Variants in CBLB observed in about 807,000 individuals in gnomAD.
The protein encoded by CBLB is Cbl proto-oncogene B.
A neutral mutation model predicts 104.9 loss-of-function variants in CBLB; 31 were observed. That is an observed-to-expected ratio of 0.30 (90% CI 0.22 to 0.40). CBLB has a LOEUF of 0.40. Among genes scored for constraint, CBLB ranks in the 10% least tolerant of loss-of-function variants. CBLB has a pLI of 1.00. For synonymous variants in CBLB, 440 were observed against 422.6 expected, an observed-to-expected ratio of 1.04 and a Z score of -0.51; for missense variants, 1,062 against 1,214.6, an observed-to-expected ratio of 0.87 and a Z score of 1.87.
chr3:105,675,884 CAA>C lies in CBLB; in HGVS notation c.2569+2545_2569+2546del, dbSNP rs71111383. Among the ~76,000 whole-genome samples the C allele has an allele frequency of 5.4e-3, 445 of 81,864 alleles. 12 individuals are homozygous for C. The East Asian group carries it at 0.063, about 12-fold the overall frequency. The allele number at this position is 81,864 out of a possible 152,430, so 53.7% of individuals were successfully genotyped here. On this transcript the variant is annotated intron_variant, in intron 17 of 18. Coordinates refer to ENST00000394030, the MANE Select transcript of CBLB (RefSeq NM_170662.5). ...TGGGCAACAGAGTGAGACCCTGTCT[CAA>C]AAAAAAAAAAAAAAAAAAAGTCATA...
chr3:105,666,892 A>T (rs1337047476), intron 18 of CBLB, among the ~76,000 whole-genome samples: 1 of 152,170 alleles, frequency 6.6e-6, no homozygotes, highest in African/African-American at 2.4e-5. Context: ...CTGTGGGAAA[A>T]CTCAACATTG....
At chr3:105,699,440 C>G (rs1223518887) in intron 12 of CBLB, among the ~76,000 whole-genome samples, 2 of 151,974 alleles carry the variant, frequency 1.3e-5, no homozygotes, top group African/African-American at 2.4e-5. Flanking sequence ...AAATAAAGTT[C>G]CACTTTATTT....
chr3:105,781,401 T>C (rs984486476), intron 3 of CBLB, among the ~76,000 whole-genome samples: 1 of 152,144 alleles, frequency 6.6e-6, no homozygotes, highest in Non-Finnish European at 1.5e-5. Context: ...AAAGGAAGCA[T>C]ATAATGCTTG....
intron 3 of CBLB, among the ~76,000 whole-genome samples, chr3:105,836,326 G>A (rs2088489240): frequency 6.6e-6 from 1 of 152,146 alleles, no homozygotes; most frequent in Non-Finnish European, 1.5e-5. Flanking sequence ...AGTTATCTGT[G>A]TCTAACATGA....
intron 2 of CBLB, among the ~76,000 whole-genome samples, chr3:105,854,143 G>A (rs966205648): frequency 6.6e-6 from 1 of 152,116 alleles, no homozygotes; most frequent in African/African-American, 2.4e-5. Context: ...AAACAAAGAG[G>A]TGCAATTTGA....
intron 3 of CBLB, among the ~76,000 whole-genome samples, chr3:105,781,375 T>C (rs1323309691): frequency 6.6e-6 from 1 of 152,110 alleles, no homozygotes; most frequent in Non-Finnish European, 1.5e-5. Flanking sequence ...GTTGCTACGG[T>C]CAACATCATA....
chr3:105,725,872 C>CA (rs11456112), intron 9 of CBLB, among the ~76,000 whole-genome samples: 24,614 of 151,614 alleles, frequency 0.16, 2,248 homozygotes, highest in Middle Eastern at 0.32. Context: ...CTCTTTGAGA[C>CA]AGAATCTCAC....
intron 3 of CBLB, among the ~76,000 whole-genome samples, chr3:105,822,204 AC>A (rs1470423114): frequency 6.6e-6 from 1 of 152,164 alleles, no homozygotes; most frequent in Non-Finnish European, 1.5e-5. Flanking sequence ...TCAACAAATT[AC>A]ACTTTTGAAT....
Position 105,678,574 on chromosome 3 carries a change from G to A in CBLB, c.2429-3C>T. The A allele has an allele frequency of 2.5e-6, 4 of 1,612,128 alleles. No homozygotes were observed. The highest frequency in any genetic ancestry group is 3.4e-6 in the Non-Finnish European group (4 of 1,178,842). On this transcript the variant is annotated splice_region_variant and splice_polypyrimidine_tract_variant and intron_variant, in intron 16 of 18. Transcript: ENST00000394030. ...GAGGGCATCAAAAGCATCTTCACCT[G>A]CATTTAAAGAAAGGTCGATATCAGC...
intron 3 of CBLB, among the ~76,000 whole-genome samples, chr3:105,822,486 C>A (rs1223895244): frequency 6.6e-6 from 1 of 152,134 alleles, no homozygotes; most frequent in Non-Finnish European, 1.5e-5. Flanking sequence ...TGAAAGTGAA[C>A]TAAAATAATG....
rs1450941486 is a variant in CBLB, at chr3:105,851,927, T to A, written c.419+1487A>T. Among the ~76,000 whole-genome samples, 4 of 152,174 alleles carry A rather than the reference T, an allele frequency of 2.6e-5. No individual in the cohort carries two copies. The East Asian group carries it at 7.7e-4, about 29-fold the overall frequency. Reference sequence around the variant, plus strand: ...GTCATCACAAGGTCATAGTGCAACATATTACATGTTTGTGGTGATGCTGGT... The same window carrying A: ...GTCATCACAAGGTCATAGTGCAACAAATTACATGTTTGTGGTGATGCTGGT... On this transcript the variant is annotated intron_variant, in intron 3 of 18. Coordinates refer to ENST00000394030, the MANE Select transcript of CBLB (RefSeq NM_170662.5).
chr3:105,715,865 C>G (rs2071780204), intron 10 of CBLB, among the ~76,000 whole-genome samples: 1 of 152,048 alleles, frequency 6.6e-6, no homozygotes. Context: ...GTGGTAAAAC[C>G]CTGTCTCTAC....
intron 10 of CBLB, among the ~76,000 whole-genome samples, chr3:105,707,870 C>CA (rs1491074639): frequency 7.6e-6 from 1 of 132,208 alleles, no homozygotes; most frequent in Non-Finnish European, 1.6e-5. Context: ...TAAAAAAAAA[C>CA]AAAGTACATC....
intron 3 of CBLB, among the ~76,000 whole-genome samples, chr3:105,814,348 CTTTTG>C (rs1197847362): frequency 3.3e-5 from 5 of 152,256 alleles, no homozygotes; most frequent in East Asian, 1.9e-4. Flanking sequence ...TGTTGATTCC[CTTTTG>C]TTTTGTTTAT....
intron 13 of CBLB, among the ~76,000 whole-genome samples, chr3:105,688,758 T>G (rs1193365193): frequency 1.3e-5 from 2 of 152,080 alleles, no homozygotes; most frequent in Non-Finnish European, 2.9e-5. Flanking sequence ...TATAAATCAT[T>G]TCCTCAAAAC....
At chr3:105,814,736 C>T (rs977123350) in intron 3 of CBLB, among the ~76,000 whole-genome samples, 1 of 151,834 alleles carries the variant, frequency 6.6e-6, no homozygotes, top group Non-Finnish European at 1.5e-5. Context: ...TTTCATGATG[C>T]TCCAATTTAT....
At chr3:105,728,473 C>T (rs1007856829) in intron 9 of CBLB, among the ~76,000 whole-genome samples, 10 of 152,124 alleles carry the variant, frequency 6.6e-5, no homozygotes, top group Non-Finnish European at 1.0e-4. Flanking sequence ...CTGAAATAAG[C>T]ACAGAATGAA....
chr3:105,757,105 G>C (rs2077154593), intron 4 of CBLB, among the ~76,000 whole-genome samples: 2 of 152,106 alleles, frequency 1.3e-5, no homozygotes, highest in African/African-American at 4.8e-5. Context: ...CTAATACCAT[G>C]CCTGTACAGC....
chr3:105,790,370 T>G (rs2081494948), intron 3 of CBLB, among the ~76,000 whole-genome samples: 1 of 152,236 alleles, frequency 6.6e-6, no homozygotes, highest in Non-Finnish European at 1.5e-5. Context: ...GCTTGCTGCT[T>G]CTTTGTCTAC....
Sources: allele counts gnomAD v4.1 joint callset (sites outside exome capture counted in the v4.1 genomes callset), GRCh38; gene constraint gnomAD v4.1.1; transcripts MANE v1.5; gene names NCBI Gene and HGNC (gene_info 2026-07-23, HGNC 2026-07-21).